The following OSBP2 variants were observed in gnomAD, a reference collection of about 807,000 sequenced individuals.
OSBP2 encodes oxysterol-binding protein 2.
In OSBP2, 66 loss-of-function variants were observed where a neutral mutation model predicts 96.0. That is an observed-to-expected ratio of 0.69 (90% CI 0.56 to 0.84). The LOEUF (loss-of-function observed/expected upper bound fraction) is 0.84, where lower values mean the gene tolerates loss of function less well. Among genes scored for constraint, OSBP2 ranks in the 40% least tolerant of loss-of-function variants. The probability of loss-of-function intolerance (pLI) is 0.00; values close to 1 mark genes in which losing one functional copy is unlikely to be tolerated. For missense variants in OSBP2, 1,038 were observed against 1,222.7 expected, an observed-to-expected ratio of 0.85 and a Z score of 2.25; for synonymous variants, 525 against 520.9, an observed-to-expected ratio of 1.01 and a Z score of -0.11.
intron 2 of OSBP2, among the ~76,000 whole-genome samples, chr22:30,749,899 C>T (rs929430696): frequency 1.3e-5 from 2 of 151,782 alleles, no homozygotes; most frequent in South Asian, 2.1e-4. Context: ...TGAGCCACCG[C>T]GCCTGGCCAC....
chr22:30,752,104 A>G (rs1323706899), intron 2 of OSBP2, among the ~76,000 whole-genome samples: 1 of 152,102 alleles, frequency 6.6e-6, no homozygotes, highest in Non-Finnish European at 1.5e-5. Flanking sequence ...GTTGGAGCAG[A>G]GTGCTGTTCA....
At chr22:30,888,415 T>G in intron 5 of OSBP2, 75 bp downstream of exon 5, 1 of 913,074 alleles carries the variant, frequency 1.1e-6, no homozygotes, top group Non-Finnish European at 1.8e-6. Flanking sequence ...ACCAGCTATC[T>G]AGTTGTCTAC....
intron 1 of OSBP2, among the ~76,000 whole-genome samples, chr22:30,700,644 G>T (rs988227699): frequency 6.6e-6 from 1 of 152,052 alleles, no homozygotes; most frequent in Non-Finnish European, 1.5e-5. Flanking sequence ...CTCAGGAAAT[G>T]ATTTCAAACA....
At chr22:30,894,484 G>C (rs1026391069) in intron 12 of OSBP2, 2 of 156,134 alleles carry the variant, frequency 1.3e-5, no homozygotes, top group African/African-American at 4.8e-5. Flanking sequence ...GAAGCTACAG[G>C]GAGAAGACAG....
At chr22:30,854,637 A>G (rs2039044007) in intron 2 of OSBP2, among the ~76,000 whole-genome samples, 1 of 104,390 alleles carries the variant, frequency 9.6e-6, no homozygotes, top group Non-Finnish European at 1.8e-5. Context: ...TAACATTTAA[A>G]GTGAAAAAAA....
intron 2 of OSBP2, among the ~76,000 whole-genome samples, chr22:30,774,193 C>T (rs184480324): frequency 7.1e-4 from 108 of 152,258 alleles, no homozygotes; most frequent in Middle Eastern, 3.4e-3. Context: ...CTGGGCAAGC[C>T]CACCAACTCC....
At chr22:30,831,385 C>T (rs2038519274) in intron 2 of OSBP2, among the ~76,000 whole-genome samples, 1 of 152,162 alleles carries the variant, frequency 6.6e-6, no homozygotes, top group African/African-American at 2.4e-5. Flanking sequence ...TGTCTCCTGC[C>T]ATTGTGTGGA....
At chr22:30,707,486 G>A (rs943097703) in intron 1 of OSBP2, among the ~76,000 whole-genome samples, 4 of 151,690 alleles carry the variant, frequency 2.6e-5, no homozygotes, top group Non-Finnish European at 5.9e-5. Context: ...AGGCTGAGGC[G>A]GGCGGATCAC....
chr22:30,850,193 C>T (rs574377492), intron 2 of OSBP2, among the ~76,000 whole-genome samples: 1 of 151,510 alleles, frequency 6.6e-6, no homozygotes, highest in African/African-American at 2.4e-5. Flanking sequence ...ATAGTCCCAG[C>T]TACTTGGGAG....
At chr22:30,789,438 T>C (rs2090642514) in intron 2 of OSBP2, among the ~76,000 whole-genome samples, 1 of 152,136 alleles carries the variant, frequency 6.6e-6, no homozygotes, top group Admixed American at 6.6e-5. Flanking sequence ...CCGGTCTGCT[T>C]TCTCTACACA....
At chr22:30,793,466 G>C (rs1602271699) in intron 2 of OSBP2, among the ~76,000 whole-genome samples, 2 of 151,794 alleles carry the variant, frequency 1.3e-5, no homozygotes, top group East Asian at 3.9e-4. Flanking sequence ...AGGAGTTCAA[G>C]ACCAACCTGG....
chr22:30,892,757 T>C (rs746287759), intron 8 of OSBP2, among the ~76,000 whole-genome samples: 4 of 152,030 alleles, frequency 2.6e-5, no homozygotes, highest in African/African-American at 9.7e-5. Flanking sequence ...ACACCTGGTG[T>C]GTGGGGAGGA....
At chr22:30,706,374 T>G (rs2089253262) in intron 1 of OSBP2, among the ~76,000 whole-genome samples, 1 of 152,156 alleles carries the variant, frequency 6.6e-6, no homozygotes, top group African/African-American at 2.4e-5. Flanking sequence ...TTCTGATTGC[T>G]TAGTGATGCT....
At chr22:30,728,257 G>A (rs1339972046) in intron 1 of OSBP2, among the ~76,000 whole-genome samples, 1 of 151,928 alleles carries the variant, frequency 6.6e-6, no homozygotes, top group East Asian at 1.9e-4. Flanking sequence ...TTAGCCAGAT[G>A]TGGTGGTGGG....
intron 2 of OSBP2, among the ~76,000 whole-genome samples, chr22:30,776,496 G>C (rs2090439631): frequency 6.6e-6 from 1 of 151,966 alleles, no homozygotes; most frequent in Admixed American, 6.6e-5. Context: ...AAACATTTTT[G>C]AAAATGTTTG....
At chr22:30,766,790 A>G (rs1272267498) in intron 2 of OSBP2, among the ~76,000 whole-genome samples, 1 of 152,152 alleles carries the variant, frequency 6.6e-6, no homozygotes, top group Non-Finnish European at 1.5e-5. Context: ...CTGACTGCCC[A>G]TCTTGGTTTT....
intron 3 of OSBP2, among the ~76,000 whole-genome samples, chr22:30,875,165 G>GT (rs1410194550): frequency 1.3e-5 from 2 of 152,180 alleles, no homozygotes; most frequent in Non-Finnish European, 2.9e-5. Flanking sequence ...CAGTGAGAAA[G>GT]TGGAGGCCCA....
At chr22:30,826,756 G>A (rs1020418184) in intron 2 of OSBP2, among the ~76,000 whole-genome samples, 6 of 152,220 alleles carry the variant, frequency 3.9e-5, no homozygotes, top group African/African-American at 1.4e-4. Flanking sequence ...TGAGGCTGAG[G>A]GGCAAGGAGC....
chr22:30,839,814 T>C (rs1175003580), intron 2 of OSBP2, among the ~76,000 whole-genome samples: 2 of 152,086 alleles, frequency 1.3e-5, no homozygotes, highest in African/African-American at 4.8e-5. Flanking sequence ...CTGATGGTAG[T>C]TTCTTTTGCT....
Sources: gnomAD v4.1 joint callset for allele counts (sites outside exome capture counted in the v4.1 genomes callset) on GRCh38, gnomAD v4.1.1 for gene constraint, MANE v1.5 for transcripts, NCBI Gene and HGNC (gene_info 2026-07-23, HGNC 2026-07-21) for gene names.